Variants in PEX3 observed in about 807,000 individuals in gnomAD.
The protein encoded by PEX3 is peroxin-3.
In PEX3, 30 loss-of-function variants were observed where a neutral mutation model predicts 55.8. The ratio of observed to expected loss-of-function variants is 0.54; its 90% CI spans 0.40 to 0.73. The LOEUF (loss-of-function observed/expected upper bound fraction) is 0.73. PEX3 is among the 30% of genes least tolerant of loss of function. The pLI, the probability that PEX3 is intolerant of heterozygous loss-of-function variation, is 0.00. For missense variants in PEX3, 351 were observed against 432.8 expected (o/e 0.81, Z 1.68); for synonymous variants, 135 against 148.4 (o/e 0.91, Z 0.66).
intron 8 of PEX3, among the ~76,000 whole-genome samples, chr6:143,474,060 A>G (rs1159840054): frequency 6.6e-6 from 1 of 152,004 alleles, no homozygotes; most frequent in Non-Finnish European, 1.5e-5. Flanking sequence ...TGAGCCCACG[A>G]GTTCGAGGTT....
In PEX3 at chr6:143,459,656, A is replaced by G. The variant is rs771642968; in HGVS notation, c.205+440A>G. Among the ~76,000 whole-genome samples, 5 of 152,182 alleles carry G rather than the reference A, an allele frequency of 3.3e-5. No individual in the cohort carries two copies. Among genetic ancestry groups the G allele is most frequent in the Admixed American group, 6.5e-5 (1 of 15,292 alleles). ...ATTTGAGCAGAAACCAAATGTTACA[A>G]TGGAGGGAGCCATGTGAAATGCCTG... is the stretch of plus-strand genomic sequence containing the variant. On this transcript the variant is annotated intron_variant, in intron 2 of 11. Transcript: ENST00000367591. This position sits in a 1 kb window ranked among gnomAD's most constrained non-coding sequence, Gnocchi z 4.2.
In PEX3 at chr6:143,489,104, G is replaced by GT; in HGVS notation, c.1039-35dup. 3 of 1,326,786 alleles carry GT rather than the reference G, an allele frequency of 2.3e-6. No homozygotes were observed. The highest frequency in any genetic ancestry group is 3.3e-6 in the Non-Finnish European group (3 of 918,558). The allele number at this position is 1,326,786 out of a possible 1,614,324, so 82.2% of individuals were successfully genotyped here. A position where few individuals can be genotyped will look rare whatever the true frequency, so the allele number is the denominator to read the frequency against. ...AGAAATTAATTCAAATTAGCTATAT[G>GT]TTTTGCAAACTATAATGTTATATTA... On this transcript the variant is annotated intron_variant, in intron 11 of 11. Coordinates refer to ENST00000367591, the MANE Select transcript of PEX3 (RefSeq NM_003630.3). The surrounding 1 kb of genome is among the most constrained non-coding windows in gnomAD (Gnocchi z 5.5).
At chr6:143,474,458 CA>C (rs569947921) in intron 8 of PEX3, among the ~76,000 whole-genome samples, 2,015 of 66,034 alleles carry the variant, frequency 0.031, 25 homozygotes, top group African/African-American at 0.092. Context: ...GACTCCGTCT[CA>C]AAAAAAAAAA....
At chr6:143,484,080 TA>T (rs565760183) in intron 10 of PEX3, among the ~76,000 whole-genome samples, 617 of 152,208 alleles carry the variant, frequency 4.1e-3, no homozygotes, top group African/African-American at 0.013. Flanking sequence ...GCATGATATT[TA>T]AAAGGAAATT....
chr6:143,474,746 A>T (rs766358126), intron 8 of PEX3, 40 bp from the exon 9 acceptor site: 2 of 984,094 alleles, frequency 2.0e-6, no homozygotes, highest in Non-Finnish European at 3.3e-6. Flanking sequence ...ACCCTGTGCT[A>T]ATGTTTGAAA....
chr6:143,450,809 A>AGCG lies in PEX3; in HGVS notation c.-225_-223dup. ...CGGACCTGGGCTTGTCGGACCAGTG[A>AGCG]GCGGCGGCGGCTGCGCGGCGGCAGC... is the stretch of plus-strand genomic sequence containing the variant. On this transcript the variant is annotated 5_prime_UTR_variant, in exon 1 of 12. Transcript: ENST00000367591. 1 of 855,230 alleles carries AGCG rather than the reference A, an allele frequency of 1.2e-6. No individual in the cohort carries two copies. The highest frequency in any genetic ancestry group is 1.8e-6 in the Non-Finnish European group (1 of 540,988). The allele number at this position is 855,230 out of a possible 1,614,324, so 53.0% of individuals were successfully genotyped here.
intron 10 of PEX3, among the ~76,000 whole-genome samples, chr6:143,481,949 C>A (rs1780247456): frequency 6.6e-6 from 1 of 151,516 alleles, no homozygotes; most frequent in South Asian, 2.1e-4. Flanking sequence ...GTCTGAGTGA[C>A]AGAATAAGAC....
In PEX3 at chr6:143,482,180, A is replaced by G. The variant is rs546348221; in HGVS notation, c.942-2972A>G. Reference sequence around the variant, plus strand: ...TAAGGAAAGCTGTTGATTTTTTTCTATACTTATATCTTGAAAATAGGTAAC... The same window carrying G: ...TAAGGAAAGCTGTTGATTTTTTTCTGTACTTATATCTTGAAAATAGGTAAC... On this transcript the variant is annotated intron_variant, in intron 10 of 11. Coordinates refer to ENST00000367591, the MANE Select transcript of PEX3 (RefSeq NM_003630.3). This position sits in a 1 kb window ranked among gnomAD's most constrained non-coding sequence, Gnocchi z 5.5. Among the ~76,000 whole-genome samples the G allele has an allele frequency of 1.5e-3, 228 of 152,228 alleles. No homozygotes were observed. Among genetic ancestry groups the G allele is most frequent in the African/African-American group, 5.2e-3 (217 of 41,550 alleles).
intron 3 of PEX3, among the ~76,000 whole-genome samples, chr6:143,467,128 A>AC (rs1213345658): frequency 6.6e-6 from 1 of 152,012 alleles, no homozygotes; most frequent in Non-Finnish European, 1.5e-5. Flanking sequence ...GAATTGGAAA[A>AC]ACAGAAACCT....
rs148597393 is a variant in PEX3, at chr6:143,462,851, G to A, written c.206-65G>A. 605 of 1,191,576 alleles carry A rather than the reference G, an allele frequency of 5.1e-4. No individual in the cohort carries two copies. The highest frequency in any genetic ancestry group is 7.6e-4 in the Middle Eastern group (4 of 5,290). 73.8% of individuals were successfully genotyped at this position (1,191,576 alleles called of 1,614,324 possible). On this transcript the variant is annotated intron_variant, in intron 2 of 11. Transcript: ENST00000367591. This position sits in a 1 kb window ranked among gnomAD's most constrained non-coding sequence, Gnocchi z 4.1. ...CCTATCATATAGCCTAAAACAATGC[G>A]CATTTCTTAGTGAGGGCAGTCATAT...
rs1779871840 is a variant in PEX3, at chr6:143,458,211, G to C, written c.74-874G>C. Among the ~76,000 whole-genome samples the C allele has an allele frequency of 6.6e-6, 1 of 152,098 alleles. No homozygotes were observed. The highest frequency in any genetic ancestry group is 1.5e-5 in the Non-Finnish European group (1 of 67,990). On this transcript the variant is annotated intron_variant, in intron 1 of 11. Coordinates refer to ENST00000367591, the MANE Select transcript of PEX3 (RefSeq NM_003630.3). The surrounding 1 kb of genome is among the most constrained non-coding windows in gnomAD (Gnocchi z 6.1). ...AGCTAGGAAAACTGACTGCCCCTCA[G>C]ATATAGACTAAAATGTACACATATA...
intron 9 of PEX3, among the ~76,000 whole-genome samples, chr6:143,477,414 G>A (rs1189373665): frequency 2.3e-5 from 3 of 130,120 alleles, no homozygotes; most frequent in Non-Finnish European, 1.6e-5. Context: ...AATTGATAGA[G>A]GGAAAAATTG....
At chr6:143,473,182 C>T (rs1418286700) in intron 8 of PEX3, among the ~76,000 whole-genome samples, 1 of 152,086 alleles carries the variant, frequency 6.6e-6, no homozygotes, top group Non-Finnish European at 1.5e-5. Context: ...TGCAGGATTT[C>T]CCATTGCCAG....
At chr6:143,477,109 CTTG>C (rs1780163785) in intron 9 of PEX3, among the ~76,000 whole-genome samples, 2 of 152,118 alleles carry the variant, frequency 1.3e-5, no homozygotes, top group Non-Finnish European at 2.9e-5. Context: ...GTTGATTGAT[CTTG>C]TTGAGAAGTT....
Position 143,459,087 on chromosome 6 carries a change from G to T in PEX3, c.76G>T (p.Val26Leu). The T allele has an allele frequency of 6.3e-7, 1 of 1,580,674 alleles. No homozygotes were observed. Among genetic ancestry groups the T allele is most frequent in the East Asian group, 2.2e-5 (1 of 44,624 alleles). The change falls in exon 2 of 12, where the codon GTA (valine) becomes TTA (leucine). Residue 26 changes from valine to leucine, a missense_variant and splice_region_variant. Transcript: ENST00000367591. This position sits in a 1 kb window ranked among gnomAD's most constrained non-coding sequence, Gnocchi z 4.2. The part of the protein sequence containing the change: ...CIFLGTVLGG[V>L]YILGKYGQKK... Reference sequence around the variant, plus strand: ...TAGTACTTTTTTAATGATTGTAGGAGTATATATTCTGGGGAAATATGGACA... The same window carrying T: ...TAGTACTTTTTTAATGATTGTAGGATTATATATTCTGGGGAAATATGGACA...
intron 8 of PEX3, among the ~76,000 whole-genome samples, chr6:143,472,907 A>G (rs559347811): frequency 2.1e-4 from 32 of 152,340 alleles, no homozygotes; most frequent in African/African-American, 7.7e-4. Flanking sequence ...ATTATCAACT[A>G]TAGTGTTGCT....
In PEX3 at chr6:143,471,465, G is replaced by A. The variant is rs759371755; in HGVS notation, c.523+16G>A. ...CTTGGAGATGGTAAGATTCTTATTT[G>A]TGACTTTTATACTAATTTTAATTCA... On this transcript the variant is annotated intron_variant, in intron 6 of 11. Coordinates refer to ENST00000367591, the MANE Select transcript of PEX3 (RefSeq NM_003630.3). The surrounding 1 kb of genome is among the most constrained non-coding windows in gnomAD (Gnocchi z 5.4). 6.3e-7 allele frequency: 1 copy of A among 1,581,614 alleles called. No individual in the cohort carries two copies. Among genetic ancestry groups the A allele is most frequent in the African/African-American group, 1.3e-5 (1 of 74,368 alleles).
chr6:143,464,457 A>G lies in PEX3; in HGVS notation c.287+1460A>G, dbSNP rs1303890925. On this transcript the variant is annotated intron_variant, in intron 3 of 11. Coordinates refer to ENST00000367591, the MANE Select transcript of PEX3 (RefSeq NM_003630.3). The surrounding 1 kb of genome is among the most constrained non-coding windows in gnomAD (Gnocchi z 5.8). ...CGTAATTCCGGACATATTTAGTGCA[A>G]TGACAAAAAGTAAAAGGAAAATTTA... Among the ~76,000 whole-genome samples the G allele has an allele frequency of 6.6e-6, 1 of 152,062 alleles. No homozygotes were observed. Among genetic ancestry groups the G allele is most frequent in the Admixed American group, 6.5e-5 (1 of 15,272 alleles).
chr6:143,468,810 C>T (rs867428498), intron 4 of PEX3, among the ~76,000 whole-genome samples: 11 of 106,710 alleles, frequency 1.0e-4, no homozygotes, highest in South Asian at 4.7e-4. Context: ...ATCCCCCCCC[C>T]CCCCACCCCA....
Sources: allele counts gnomAD v4.1 joint callset (sites outside exome capture counted in the v4.1 genomes callset), GRCh38; gene constraint gnomAD v4.1.1; non-coding constraint Gnocchi (gnomAD v3.1); transcripts MANE v1.5; gene names NCBI Gene and HGNC (gene_info 2026-07-23, HGNC 2026-07-21).